Variants in STK3 observed in about 807,000 individuals in gnomAD.
STK3 encodes serine/threonine kinase 3, also known as serine/threonine-protein kinase 3.
A neutral mutation model predicts 58.0 loss-of-function variants in STK3; 41 were observed. That is an observed-to-expected ratio of 0.71 (90% CI 0.55 to 0.92). STK3 has a LOEUF of 0.92. STK3 is among the 40% of genes least tolerant of loss of function. The pLI is 0.00. For synonymous variants in STK3, 170 were observed against 191.0 expected (o/e 0.89, Z 0.91); for missense variants, 479 against 602.7 (o/e 0.79, Z 2.15).
chr8:98,679,096 G>A (rs765431397), intron 6 of STK3, among the ~76,000 whole-genome samples: 19 of 152,138 alleles, frequency 1.2e-4, no homozygotes, highest in Non-Finnish European at 1.6e-4. Context: ...GCTTCTTCAA[G>A]AGAAGTCACC....
At chr8:98,667,964 G>C (rs1050524416) in intron 6 of STK3, among the ~76,000 whole-genome samples, 1 of 152,044 alleles carries the variant, frequency 6.6e-6, no homozygotes, top group African/African-American at 2.4e-5. Context: ...CCATATAAAA[G>C]TTAATCAATG....
At chr8:98,821,012 A>C (rs1389303595) in intron 1 of STK3, among the ~76,000 whole-genome samples, 3 of 152,108 alleles carry the variant, frequency 2.0e-5, no homozygotes, top group Admixed American at 2.0e-4. Flanking sequence ...TAAATCCAAC[A>C]AATTCCATCT....
chr8:98,807,333 T>C (rs1564020485), intron 1 of STK3, among the ~76,000 whole-genome samples: 1 of 152,014 alleles, frequency 6.6e-6, no homozygotes, highest in Non-Finnish European at 1.5e-5. Flanking sequence ...CTTGGCTCAC[T>C]GCAACATCTG....
intron 10 of STK3, among the ~76,000 whole-genome samples, chr8:98,523,188 G>A (rs1586770716): frequency 6.6e-6 from 1 of 152,044 alleles, no homozygotes; most frequent in East Asian, 1.9e-4. Flanking sequence ...ATTTCTCTAC[G>A]TCTTCAGAAA....
At chr8:98,598,604 T>G (rs1343887545) in intron 6 of STK3, 7 of 985,250 alleles carry the variant, frequency 7.1e-6, no homozygotes, top group Non-Finnish European at 8.4e-6. Flanking sequence ...TCTCTAGGTT[T>G]TATATGAGTT....
chr8:98,652,069 G>C (rs948368596), intron 6 of STK3, among the ~76,000 whole-genome samples: 10 of 152,240 alleles, frequency 6.6e-5, no homozygotes, highest in African/African-American at 2.4e-4. Context: ...AAAATGTTAA[G>C]GGCAGCCAGA....
chr8:98,923,854 T>TGTGTGCGC (rs1491486943), intron 1 of STK3, among the ~76,000 whole-genome samples: 51 of 113,688 alleles, frequency 4.5e-4, no homozygotes, highest in South Asian at 2.4e-3. Context: ...TGTGTGTGTG[T>TGTGTGCGC]GCGCGCGCGC....
intron 1 of STK3, among the ~76,000 whole-genome samples, chr8:98,443,216 G>A (rs927016387): frequency 1.3e-5 from 2 of 152,154 alleles, no homozygotes; most frequent in African/African-American, 2.4e-5. Flanking sequence ...GTTGAATTCA[G>A]GAAATACAGC....
At chr8:98,648,221 T>A (rs1820555457) in intron 6 of STK3, among the ~76,000 whole-genome samples, 1 of 152,210 alleles carries the variant, frequency 6.6e-6, no homozygotes, top group South Asian at 2.1e-4. Context: ...TCCCCATATA[T>A]GCTCCTTCAC....
chr8:98,396,224 C>T (rs1677043085), intron 3 of STK3, among the ~76,000 whole-genome samples: 1 of 152,164 alleles, frequency 6.6e-6, no homozygotes, highest in Non-Finnish European at 1.5e-5. Context: ...AAAACATCCG[C>T]TGTTAAGTTT....
rs911026515 is a variant in STK3 at position 98,428,134 on chromosome 8, G to A, written n.483+5993C>T. 12 of 1,613,974 alleles carry A rather than the reference G, an allele frequency of 7.4e-6. No individual in the cohort carries two copies. The highest frequency in any genetic ancestry group is 9.3e-6 in the Non-Finnish European group (11 of 1,180,012). ...GGCCGCTTGCTGCTCTGCCACTCGC[G>A]CGAGGCCATTCTGGAGCTCTGCGAT... On this transcript the variant is annotated intron_variant and non_coding_transcript_variant, in intron 3 of 3. Coordinates refer to the STK3 transcript ENST00000517832. The surrounding 1 kb of genome is among the most constrained non-coding windows in gnomAD (Gnocchi z 6.7).
chr8:98,889,110 C>A (rs1423678095), intron 1 of STK3, among the ~76,000 whole-genome samples: 1 of 152,158 alleles, frequency 6.6e-6, no homozygotes, highest in African/African-American at 2.4e-5. Flanking sequence ...CAAAACAAGT[C>A]AAAGCAAATG....
intron 1 of STK3, among the ~76,000 whole-genome samples, chr8:98,806,448 T>C (rs1833890380): frequency 2.0e-5 from 3 of 152,140 alleles, no homozygotes; most frequent in Non-Finnish European, 1.5e-5. Flanking sequence ...AGGGCTGAAA[T>C]GGCCAATGGG....
intron 2 of STK3, among the ~76,000 whole-genome samples, chr8:98,436,379 C>T (rs1818489731): frequency 6.6e-6 from 1 of 152,208 alleles, no homozygotes; most frequent in Non-Finnish European, 1.5e-5. Context: ...ACACCCACAT[C>T]ACCCATGTGC....
intron 8 of STK3, among the ~76,000 whole-genome samples, chr8:98,558,427 G>C (rs1055367424): frequency 1.3e-5 from 2 of 152,008 alleles, no homozygotes; most frequent in African/African-American, 4.8e-5. Flanking sequence ...CAATGTTTAT[G>C]TTCCTCAAGG....
At chr8:98,905,137 G>A in intron 1 of STK3, 1 of 1,442,432 alleles carries the variant, frequency 6.9e-7, no homozygotes, top group Non-Finnish European at 9.7e-7. Flanking sequence ...CGATCTACTG[G>A]GCACTCTTTG....
At chr8:98,789,561 G>A (rs761785769) in intron 1 of STK3, among the ~76,000 whole-genome samples, 14 of 152,114 alleles carry the variant, frequency 9.2e-5, no homozygotes, top group Middle Eastern at 3.4e-3. Context: ...AATTAGAACC[G>A]AAAAGGGAGA....
At chr8:98,495,465 T>C (rs1823059695) in intron 10 of STK3, among the ~76,000 whole-genome samples, 1 of 152,160 alleles carries the variant, frequency 6.6e-6, no homozygotes, top group Admixed American at 6.5e-5. Flanking sequence ...AATAGTTCCA[T>C]GTGCACTGTT....
At chr8:98,375,482 T>C (rs1340519165) in intron 2 of STK3, among the ~76,000 whole-genome samples, 1 of 152,152 alleles carries the variant, frequency 6.6e-6, no homozygotes, top group Non-Finnish European at 1.5e-5. Flanking sequence ...TACAGATTCA[T>C]TTAATACTAC....
Sources: allele counts gnomAD v4.1 joint callset (sites outside exome capture counted in the v4.1 genomes callset), GRCh38; gene constraint gnomAD v4.1.1; non-coding constraint Gnocchi (gnomAD v3.1); transcripts MANE v1.5; gene names NCBI Gene and HGNC (gene_info 2026-07-23, HGNC 2026-07-21).